EPHX4: variants seen among roughly 807,000 people sequenced by gnomAD.
EPHX4 encodes the protein epoxide hydrolase 4.
A neutral mutation model predicts 44.9 loss-of-function variants in EPHX4; 31 were observed. The ratio of observed to expected loss-of-function variants is 0.69; its 90% confidence interval spans 0.52 to 0.93. The LOEUF is 0.93. EPHX4 is among the 40% of genes least tolerant of loss of function. The probability of loss-of-function intolerance (pLI) is 0.00; values close to 1 mark genes in which losing one functional copy is unlikely to be tolerated. For missense variants in EPHX4, 373 were observed against 438.1 expected (o/e 0.85, Z 1.33); for synonymous variants, 151 against 159.7 (o/e 0.95, Z 0.41).
At chr1:92,054,944 G>A (rs1221470812) in intron 6 of EPHX4, among the ~76,000 whole-genome samples, 2 of 152,014 alleles carry the variant, frequency 1.3e-5, no homozygotes, top group Admixed American at 6.6e-5. Context: ...AATGTAAAAA[G>A]CAAGTTGTAA....
At chr1:92,046,594 G>C (rs1220826802) in intron 4 of EPHX4, among the ~76,000 whole-genome samples, 1 of 151,252 alleles carries the variant, frequency 6.6e-6, no homozygotes, top group Non-Finnish European at 1.5e-5. Flanking sequence ...CTCCCGAGTA[G>C]CTGGGACTAC....
chr1:92,056,114 G>A (rs1166168425), intron 6 of EPHX4, among the ~76,000 whole-genome samples: 2 of 152,082 alleles, frequency 1.3e-5, no homozygotes, highest in Admixed American at 1.3e-4. Context: ...ATCTAGTTGG[G>A]GGAGAGTTAC....
chr1:92,032,490 G>T lies in EPHX4; in HGVS notation c.232-15G>T. 1 of 1,603,658 alleles carries T rather than the reference G, an allele frequency of 6.2e-7. No individual in the cohort carries two copies. Among genetic ancestry groups the T allele is most frequent in the Non-Finnish European group, 8.5e-7 (1 of 1,170,794 alleles). Reference sequence around the variant, plus strand: ...AACACAAACATCACTAAAATTCCATGCCCTCTACTTTCAGGATTCAGGGTT... The same window carrying T: ...AACACAAACATCACTAAAATTCCATTCCCTCTACTTTCAGGATTCAGGGTT... On this transcript the variant is annotated splice_polypyrimidine_tract_variant and intron_variant, in intron 1 of 6. Transcript: ENST00000370383.
At chr1:92,034,074 C>T (rs1371611576) in intron 2 of EPHX4, among the ~76,000 whole-genome samples, 1 of 129,086 alleles carries the variant, frequency 7.7e-6, no homozygotes, top group African/African-American at 2.9e-5. Flanking sequence ...GGGTGGATCA[C>T]GAGGTCGGGA....
intron 2 of EPHX4, among the ~76,000 whole-genome samples, chr1:92,037,879 G>A (rs773961771): frequency 2.0e-5 from 3 of 152,158 alleles, no homozygotes; most frequent in Non-Finnish European, 2.9e-5. Context: ...CTTTTGTAAT[G>A]TGTTTCATTC....
intron 2 of EPHX4, among the ~76,000 whole-genome samples, chr1:92,036,741 T>A (rs1173420892): frequency 6.6e-6 from 1 of 152,208 alleles, no homozygotes; most frequent in Non-Finnish European, 1.5e-5. Context: ...ATTGAATTCA[T>A]TGAACTTTGC....
intron 3 of EPHX4, among the ~76,000 whole-genome samples, chr1:92,045,048 G>A (rs1035631044): frequency 1.3e-5 from 2 of 152,036 alleles, no homozygotes; most frequent in African/African-American, 4.8e-5. Context: ...CTGCAGCCTT[G>A]AAGTCCTGGG....
At chr1:92,052,056 C>A (rs921020344) in intron 5 of EPHX4, among the ~76,000 whole-genome samples, 2 of 151,992 alleles carry the variant, frequency 1.3e-5, no homozygotes, top group African/African-American at 4.8e-5. Flanking sequence ...CTTTTGGATG[C>A]CCAAATTATC....
In EPHX4 at chr1:92,063,296, A is replaced by G. The variant is rs750447094; in HGVS notation, c.*10A>G. The G allele has an allele frequency of 1.7e-5, 27 of 1,559,714 alleles. No homozygotes were observed. In the African/African-American group the frequency reaches 3.3e-4, roughly 19 times the overall value. Reference sequence around the variant, plus strand: ...AAGAAAAAAAGATTGACTTTTCTTTATCTTCTATGAAGGGTCTGTAATGAA... The same window carrying G: ...AAGAAAAAAAGATTGACTTTTCTTTGTCTTCTATGAAGGGTCTGTAATGAA... On this transcript the variant is annotated 3_prime_UTR_variant, in exon 7 of 7. Coordinates refer to ENST00000370383, the MANE Select transcript of EPHX4 (RefSeq NM_173567.5).
chr1:92,041,373 A>T (rs912103291), intron 2 of EPHX4, among the ~76,000 whole-genome samples: 1 of 152,176 alleles, frequency 6.6e-6, no homozygotes, highest in Non-Finnish European at 1.5e-5. Flanking sequence ...AATCTTTTTT[A>T]AAAAACCTTC....
At chr1:92,041,044 G>A (rs750187402) in intron 2 of EPHX4, among the ~76,000 whole-genome samples, 2 of 151,706 alleles carry the variant, frequency 1.3e-5, no homozygotes, top group African/African-American at 2.4e-5. Context: ...AAAAATCCAT[G>A]TCTTTTTTTT....
At chr1:92,036,209 C>T (rs1475979785) in intron 2 of EPHX4, among the ~76,000 whole-genome samples, 2 of 152,140 alleles carry the variant, frequency 1.3e-5, no homozygotes, top group African/African-American at 4.8e-5. Context: ...ATCCTTATTC[C>T]CCTGGAATTT....
chr1:92,062,870 T>A (rs1647529839), intron 6 of EPHX4, among the ~76,000 whole-genome samples, 185 bp from the exon 7 acceptor site: 1 of 152,170 alleles, frequency 6.6e-6, no homozygotes, highest in Non-Finnish European at 1.5e-5. Context: ...TTATGTACTG[T>A]ATGTATATCC....
intron 2 of EPHX4, among the ~76,000 whole-genome samples, chr1:92,036,831 C>G (rs972789302): frequency 6.6e-6 from 1 of 152,132 alleles, no homozygotes; most frequent in Admixed American, 6.5e-5. Flanking sequence ...AATCAGATAT[C>G]TCTGGAGTCA....
At chr1:92,060,159 A>G (rs1647464261) in intron 6 of EPHX4, among the ~76,000 whole-genome samples, 1 of 152,150 alleles carries the variant, frequency 6.6e-6, no homozygotes, top group Non-Finnish European at 1.5e-5. Flanking sequence ...CTGTAATCCT[A>G]GCACTTTGGG....
chr1:92,042,824 T>A lies in EPHX4; in HGVS notation c.319T>A (p.Tyr107Asn). Residue 107 changes from tyrosine to asparagine, a missense_variant and splice_region_variant, in exon 3 of 7, where the codon TAT (tyrosine) becomes AAT (asparagine). Physicochemically the swap from Tyr to Asn is moderately radical, Grantham distance 143. Transcript: ENST00000370383. ...LLLHGFPEFW[Y>N]SWRYQLREFK... is the part of the protein sequence containing the mutation. Reference sequence around the variant, plus strand: ...TAAATGCTTCCTTTTTTCCTGCAGGTATTCTTGGCGTTACCAACTGAGAGA... The same window carrying A: ...TAAATGCTTCCTTTTTTCCTGCAGGAATTCTTGGCGTTACCAACTGAGAGA... 5 of 1,608,716 alleles carry A rather than the reference T, an allele frequency of 3.1e-6. No homozygotes were observed. Among genetic ancestry groups the A allele is most frequent in the Non-Finnish European group, 4.2e-6 (5 of 1,178,250 alleles).
chr1:92,046,524 C>T (rs1175192667), intron 4 of EPHX4, among the ~76,000 whole-genome samples: 11 of 152,210 alleles, frequency 7.2e-5, no homozygotes, highest in African/African-American at 1.9e-4. Context: ...AGTGCAGTGG[C>T]GCCATCTCGG....
At chr1:92,045,733 G>C in intron 4 of EPHX4, 73 bp downstream of exon 4, 1 of 1,564,680 alleles carries the variant, frequency 6.4e-7, no homozygotes, top group South Asian at 1.2e-5. Flanking sequence ...TTTTGGATTA[G>C]AAACAGCAAA....
chr1:92,058,105 G>A (rs1457525166), intron 6 of EPHX4, among the ~76,000 whole-genome samples: 1 of 152,084 alleles, frequency 6.6e-6, no homozygotes, highest in Non-Finnish European at 1.5e-5. Flanking sequence ...AATGAATTCA[G>A]CATGCATTAA....
Sources: allele counts gnomAD v4.1 joint callset (sites outside exome capture counted in the v4.1 genomes callset), GRCh38; gene constraint gnomAD v4.1.1; transcripts MANE v1.5; gene names NCBI Gene and HGNC (gene_info 2026-07-23, HGNC 2026-07-21).